DLGAP1: variants seen among roughly 807,000 people sequenced by gnomAD.
The protein encoded by DLGAP1 is DLG associated protein 1.
In DLGAP1, 11 loss-of-function variants were observed where a neutral mutation model predicts 90.8. The observed-to-expected ratio is 0.12, with a 90% CI of 0.08 to 0.20. The LOEUF is 0.20. DLGAP1 is among the 10% of genes least tolerant of loss of function. DLGAP1 has a pLI of 1.00. For synonymous variants in DLGAP1, 558 were observed against 540.7 expected, an observed-to-expected ratio of 1.03 and a Z score of -0.44; for missense variants, 1,050 against 1,333.8, an observed-to-expected ratio of 0.79 and a Z score of 3.31.
chr18:3,571,247 A>G (rs2054765690), intron 8 of DLGAP1: 3 of 151,832 alleles, frequency 2.0e-5, no homozygotes, highest in Admixed American at 1.3e-4. Flanking sequence ...CCCAGGCTAC[A>G]GTACAGTGGC....
At chr18:4,106,144 T>G (rs189299574) in intron 2 of DLGAP1, among the ~76,000 whole-genome samples, 69 of 152,066 alleles carry the variant, frequency 4.5e-4, no homozygotes, top group African/African-American at 1.6e-3. Flanking sequence ...GGTAACTGTC[T>G]CTAGCTCAGA....
intron 2 of DLGAP1, among the ~76,000 whole-genome samples, chr18:4,055,346 A>C (rs2075198062): frequency 6.6e-6 from 1 of 152,206 alleles, no homozygotes; most frequent in African/African-American, 2.4e-5. Flanking sequence ...TAAATTGCAC[A>C]CCGTGAGAGT....
At chr18:3,872,225 C>CAAA (rs5822772) in intron 4 of DLGAP1, among the ~76,000 whole-genome samples, 31 of 87,090 alleles carry the variant, frequency 3.6e-4, no homozygotes, top group Non-Finnish European at 4.4e-4. Context: ...CTCTCCAAGA[C>CAAA]AAAAAAAAAA....
chr18:4,298,950 A>G (rs193232977), intron 1 of DLGAP1, among the ~76,000 whole-genome samples: 11 of 151,872 alleles, frequency 7.2e-5, no homozygotes, highest in African/African-American at 2.4e-4. Flanking sequence ...GCGTGGTGGC[A>G]GGCGCCTGTA....
intron 1 of DLGAP1, among the ~76,000 whole-genome samples, chr18:4,233,080 G>T (rs572814802): frequency 2.0e-5 from 3 of 152,136 alleles, no homozygotes; most frequent in African/African-American, 7.2e-5. Context: ...TGAAAAATTG[G>T]CACAGTCTCC....
intron 4 of DLGAP1, among the ~76,000 whole-genome samples, chr18:3,835,977 G>A (rs888178494): frequency 6.6e-6 from 1 of 152,090 alleles, no homozygotes; most frequent in African/African-American, 2.4e-5. Context: ...TATTTAACTT[G>A]ACCTTATATA....
At chr18:3,564,134 T>C (rs116717030) in intron 9 of DLGAP1, among the ~76,000 whole-genome samples, 1,555 of 152,298 alleles carry the variant, frequency 0.01, 16 homozygotes, top group African/African-American at 0.035. Flanking sequence ...TCGTAATTTT[T>C]TGAAAAGTGG....
At chr18:4,388,750 T>C (rs1211817174) in intron 1 of DLGAP1, among the ~76,000 whole-genome samples, 2 of 152,192 alleles carry the variant, frequency 1.3e-5, no homozygotes, top group Admixed American at 6.5e-5. Flanking sequence ...AAGTATCTGA[T>C]ATAATTTTAA....
At position 3,560,351 on chromosome 18, in the gene DLGAP1, G is replaced by A. The variant is rs182371994; in HGVS notation, c.2057+7139C>T. On this transcript the variant is annotated intron_variant, in intron 9 of 12. Transcript: ENST00000315677. ...GGAGAATCACTTGAACCTGGGAGGC[G>A]GAGGTTGCAGTGAGCTGAGATCGCG... Among the ~76,000 whole-genome samples, 1,250 of 150,934 alleles carry A rather than the reference G, an allele frequency of 8.3e-3. 19 individuals are homozygous for A. Among genetic ancestry groups the A allele is most frequent in the African/African-American group, 0.026 (1,083 of 40,994 alleles).
chr18:4,404,994 G>A (rs1449026713), intron 1 of DLGAP1, among the ~76,000 whole-genome samples: 1 of 152,118 alleles, frequency 6.6e-6, no homozygotes, highest in Non-Finnish European at 1.5e-5. Flanking sequence ...GAATAATCGT[G>A]GTAGAGAATG....
At chr18:3,577,887 T>A (rs2145317148) in intron 8 of DLGAP1, among the ~76,000 whole-genome samples, 1 of 152,288 alleles carries the variant, frequency 6.6e-6, no homozygotes, top group South Asian at 2.1e-4. Flanking sequence ...GAGATCTCTG[T>A]CCAAAAAAAT....
At chr18:3,764,426 A>G (rs1254619614) in intron 5 of DLGAP1, among the ~76,000 whole-genome samples, 1 of 113,970 alleles carries the variant, frequency 8.8e-6, no homozygotes, top group Non-Finnish European at 1.8e-5. Context: ...ATATGTTCCT[A>G]TTGCCCAGGC....
chr18:3,897,721 C>T (rs368683343), intron 3 of DLGAP1, among the ~76,000 whole-genome samples: 10 of 150,378 alleles, frequency 6.6e-5, no homozygotes, highest in East Asian at 1.9e-4. Context: ...GCACTCATTA[C>T]AGGTTGAGTA....
At chr18:4,375,960 A>T (rs8093448) in intron 1 of DLGAP1, among the ~76,000 whole-genome samples, 2,088 of 152,288 alleles carry the variant, frequency 0.014, 43 homozygotes, top group African/African-American at 0.045. Context: ...TGATATATAG[A>T]CATTTGGCAA....
chr18:3,639,248 C>T lies in DLGAP1; in HGVS notation c.1592-57000G>A, dbSNP rs548732072. On this transcript the variant is annotated intron_variant, in intron 7 of 12. Coordinates refer to ENST00000315677, the MANE Select transcript of DLGAP1 (RefSeq NM_004746.4). ...GTGGGTGCCTGTAGTCCCAGCTACT[C>T]GGGAGGCTGAGGCTGGAGAATGGCT... Among the ~76,000 whole-genome samples, 10 of 151,980 alleles carry T rather than the reference C, an allele frequency of 6.6e-5. No individual in the cohort carries two copies. The East Asian group carries it at 1.7e-3, about 26-fold the overall frequency.
intron 4 of DLGAP1, among the ~76,000 whole-genome samples, chr18:3,858,172 T>C (rs541631051): frequency 4.6e-5 from 7 of 152,306 alleles, no homozygotes; most frequent in African/African-American, 1.2e-4. Context: ...GTTGGAAGTA[T>C]TGACAGGCAC....
intron 3 of DLGAP1, among the ~76,000 whole-genome samples, chr18:3,964,950 CA>C (rs1295556517): frequency 1.3e-5 from 2 of 152,136 alleles, no homozygotes; most frequent in African/African-American, 2.4e-5. Flanking sequence ...GACTTAGCCA[CA>C]GTAGGAAATG....
At chr18:3,609,464 T>C (rs1387318755) in intron 7 of DLGAP1, among the ~76,000 whole-genome samples, 2 of 152,228 alleles carry the variant, frequency 1.3e-5, no homozygotes, top group African/African-American at 4.8e-5. Flanking sequence ...AACCTAGCGA[T>C]GGGTGTGGAA....
intron 1 of DLGAP1, among the ~76,000 whole-genome samples, chr18:4,357,156 C>CTTTTTT (rs2081535929): frequency 9.9e-6 from 1 of 100,664 alleles, no homozygotes; most frequent in African/African-American, 3.4e-5. Context: ...TTGTTTTTTT[C>CTTTTTT]CTTTTTTTTT....
Sources: gnomAD v4.1 joint callset for allele counts (sites outside exome capture counted in the v4.1 genomes callset) on GRCh38, gnomAD v4.1.1 for gene constraint, MANE v1.5 for transcripts, NCBI Gene and HGNC (gene_info 2026-07-23, HGNC 2026-07-21) for gene names.